Variants in COL4A1 observed in about 807,000 individuals in gnomAD.
COL4A1 encodes collagen type IV alpha 1 chain.
Under a neutral mutation model 216.6 loss-of-function variants are expected in COL4A1, and 40 were observed. The ratio of observed to expected loss-of-function variants is 0.18; its 90% CI spans 0.14 to 0.24. COL4A1 has a LOEUF of 0.24. Among genes scored for constraint, COL4A1 ranks in the 10% least tolerant of loss-of-function variants. The probability of loss-of-function intolerance (pLI) is 1.00; values close to 1 mark genes in which losing one functional copy is unlikely to be tolerated. For missense variants in COL4A1, 1,628 were observed against 2,196.8 expected (o/e 0.74, Z 5.18); for synonymous variants, 839 against 810.7 (o/e 1.03, Z -0.59).
At chr13:110,184,792 C>T (rs1349979298) in intron 26 of COL4A1, among the ~76,000 whole-genome samples, 6 of 152,198 alleles carry the variant, frequency 3.9e-5, no homozygotes, top group Non-Finnish European at 7.3e-5. Flanking sequence ...CTCATTGCAA[C>T]CTCCGCCTCC....
In COL4A1 at chr13:110,197,316, A is replaced by G. The variant is rs1438195295; in HGVS notation, c.1285+1151T>C. On this transcript the variant is annotated intron_variant, in intron 21 of 51. Coordinates refer to ENST00000375820, the MANE Select transcript of COL4A1 (RefSeq NM_001845.6). ...TCCCTTGTCTTGGGTAACCCCTGTC[A>G]GCCCCATGGAATACTTGCTCCAGGA... is the stretch of plus-strand genomic sequence containing the variant. Among the ~76,000 whole-genome samples, 23 of 150,418 alleles carry G rather than the reference A, an allele frequency of 1.5e-4. No individual in the cohort carries two copies. The Admixed American group carries it at 1.5e-3, about 10-fold the overall frequency.
chr13:110,203,721 C>G, intron 17 of COL4A1, 114 bp from the exon 18 acceptor site: 2 of 1,118,980 alleles, frequency 1.8e-6, no homozygotes, highest in Non-Finnish European at 2.7e-6. Context: ...TAAATTAAAA[C>G]TATTTTTCTC....
chr13:110,170,870 G>A (rs895568998), intron 41 of COL4A1, 138 bp from the exon 42 acceptor site: 2 of 856,946 alleles, frequency 2.3e-6, no homozygotes, highest in Admixed American at 4.0e-5. Context: ...GACACCACAG[G>A]AAACTGCAGC....
chr13:110,291,621 T>A (rs901653123), intron 1 of COL4A1, among the ~76,000 whole-genome samples: 5 of 152,206 alleles, frequency 3.3e-5, no homozygotes, highest in Admixed American at 3.3e-4. Flanking sequence ...TGGCCTTCAC[T>A]AATTGTGCAG....
chr13:110,166,820 CA>C (rs1877367427), intron 44 of COL4A1, among the ~76,000 whole-genome samples: 1 of 152,104 alleles, frequency 6.6e-6, no homozygotes, highest in African/African-American at 2.4e-5. Context: ...TCTGACTCAG[CA>C]GTAAAAACTG....
chr13:110,183,177 A>G lies in COL4A1; in HGVS notation c.1990+7T>C, dbSNP rs773725275. 4.3e-6 allele frequency: 7 copies of G among 1,613,700 alleles called. No individual in the cohort carries two copies. The highest frequency in any genetic ancestry group is 1.7e-5 in the Admixed American group (1 of 59,984). Reference sequence around the variant, plus strand: ...GGTATCCCGGTGAGCTGGAATTCCAATCGTACCTTGGGGACCTGGGAAGCC... The same window carrying G: ...GGTATCCCGGTGAGCTGGAATTCCAGTCGTACCTTGGGGACCTGGGAAGCC... On this transcript the variant is annotated splice_region_variant and intron_variant, in intron 27 of 51. Transcript: ENST00000375820.
At chr13:110,250,373 C>G (rs973818891) in intron 1 of COL4A1, among the ~76,000 whole-genome samples, 1 of 152,200 alleles carries the variant, frequency 6.6e-6, no homozygotes, top group African/African-American at 2.4e-5. Flanking sequence ...CAAGAAACCA[C>G]ACGCCTTGAG....
intron 24 of COL4A1, chr13:110,190,926 A>T (rs1878600184): frequency 6.6e-6 from 1 of 151,960 alleles, no homozygotes; most frequent in Admixed American, 6.6e-5. Context: ...CTTTTATTAG[A>T]TATGTCTAGA....
At chr13:110,187,090 C>A in intron 25 of COL4A1, 48 bp downstream of exon 25, 1 of 1,599,830 alleles carries the variant, frequency 6.3e-7, no homozygotes, top group Non-Finnish European at 8.6e-7. Context: ...CAATGCTTTG[C>A]AGATCCACAC....
rs377122126 is a variant in COL4A1 at position 110,167,161 on chromosome 13, G to C, written c.3946C>G (p.Gln1316Glu). 688 of 1,613,664 alleles carry C rather than the reference G, an allele frequency of 4.3e-4. 1 individual carries two copies. Among genetic ancestry groups the C allele is most frequent in the Non-Finnish European group, 5.7e-4 (667 of 1,179,672 alleles). Residue 1316 changes from glutamine to glutamate, a missense_variant, in exon 44 of 52, where the codon CAA becomes GAA. Gln to Glu is a conservative substitution (Grantham distance 29). This residue lies in a region of COL4A1 where 345 missense variants were observed against 476.9 expected (regional missense o/e 0.72). Coordinates refer to ENST00000375820, the MANE Select transcript of COL4A1 (RefSeq NM_001845.6). ...DMGPPGVPGFQGPKGLPGLQG... is the reference protein window; with the variant it reads ...DMGPPGVPGFEGPKGLPGLQG... Reference sequence around the variant, plus strand: ...AGCAAGGTCTGTGCTGTCTTACCTTGAAATCCTGGAACTCCTGGAGGCCCC... The same window carrying C: ...AGCAAGGTCTGTGCTGTCTTACCTTCAAATCCTGGAACTCCTGGAGGCCCC...
intron 1 of COL4A1, among the ~76,000 whole-genome samples, chr13:110,263,795 T>C (rs1417518854): frequency 6.6e-6 from 1 of 152,354 alleles, no homozygotes; most frequent in African/African-American, 2.4e-5. Context: ...CAAACACTTA[T>C]TAGGGCTCTC....
At chr13:110,152,206 C>T (rs1594527170) in intron 51 of COL4A1, 128 bp downstream of exon 51, 1 of 1,437,812 alleles carries the variant, frequency 7.0e-7, no homozygotes, top group Non-Finnish European at 9.5e-7. Flanking sequence ...CCATGTCGAA[C>T]AGCATCAAAT....
chr13:110,194,461 G>A (rs1454636103), intron 22 of COL4A1, among the ~76,000 whole-genome samples: 2 of 152,278 alleles, frequency 1.3e-5, no homozygotes, highest in African/African-American at 4.8e-5. Context: ...TCTGTGTCTA[G>A]GATGGCGGAA....
chr13:110,201,808 C>T (rs544794443), intron 18 of COL4A1: 1 of 546,504 alleles, frequency 1.8e-6, no homozygotes, highest in Admixed American at 2.1e-5. Context: ...ATGGTGAAAC[C>T]CCGACTCTAC....
At position 110,210,184 on chromosome 13, in the gene COL4A1, A is replaced by C. The variant is rs887370395; in HGVS notation, c.497T>G (p.Val166Gly). 1 of 1,613,758 alleles carries C rather than the reference A, an allele frequency of 6.2e-7. No individual in the cohort carries two copies. Among genetic ancestry groups the C allele is most frequent in the Admixed American group, 1.7e-5 (1 of 60,010 alleles). ...TTCACCTTTCAACAGCATCCCGGGC[A>C]CATGGCCAAGTATCTCACCTGGATC... ...KGDPGEILGH[V>G]PGMLLKGERG... The change falls in exon 9 of 52, where the codon GTG becomes GGG. Residue 166 changes from valine to glycine, a missense_variant. Transcript: ENST00000375820.
At chr13:110,152,876 A>C (rs1364354887) in intron 50 of COL4A1, among the ~76,000 whole-genome samples, 1 of 152,248 alleles carries the variant, frequency 6.6e-6, no homozygotes, top group Non-Finnish European at 1.5e-5. Flanking sequence ...ATAATGTTGT[A>C]AACAACTGAT....
chr13:110,211,622 T>TA lies in COL4A1; in HGVS notation c.468+24dup. ...AACAGATTCCCTGTAATGAATCCAA[T>TA]AAAGCAAAATAAAATAAAATGTACC... On this transcript the variant is annotated intron_variant, in intron 8 of 51. Coordinates refer to ENST00000375820, the MANE Select transcript of COL4A1 (RefSeq NM_001845.6). This position sits in a 1 kb window ranked among gnomAD's most constrained non-coding sequence, Gnocchi z 4.3. 2 of 1,608,498 alleles carry TA rather than the reference T, an allele frequency of 1.2e-6. No homozygotes were observed. Among genetic ancestry groups the TA allele is most frequent in the South Asian group, 2.2e-5 (2 of 90,064 alleles).
intron 1 of COL4A1, among the ~76,000 whole-genome samples, chr13:110,272,551 C>A (rs2139290981): frequency 6.6e-6 from 1 of 151,722 alleles, no homozygotes; most frequent in South Asian, 2.1e-4. Flanking sequence ...TTTCTTCCAT[C>A]CTCCATCATA....
intron 19 of COL4A1, among the ~76,000 whole-genome samples, chr13:110,201,208 G>T (rs982208429): frequency 1.4e-5 from 2 of 138,120 alleles, no homozygotes; most frequent in African/African-American, 5.2e-5. Context: ...CAAAAAGAGG[G>T]GAAGAAATAG....
Sources: gnomAD v4.1 joint callset for allele counts (sites outside exome capture counted in the v4.1 genomes callset) on GRCh38, gnomAD v4.1.1 for gene constraint, gnomAD v4.1.1 regional missense constraint, Gnocchi (gnomAD v3.1) non-coding constraint, MANE v1.5 for transcripts, NCBI Gene and HGNC (gene_info 2026-07-23, HGNC 2026-07-21) for gene names.